RAVER2: variants seen among roughly 807,000 people sequenced by gnomAD.
The protein encoded by RAVER2 is ribonucleoprotein PTB-binding 2.
In RAVER2, 46 loss-of-function variants were observed where a neutral mutation model predicts 78.1. The ratio of observed to expected loss-of-function variants is 0.59; its 90% CI spans 0.46 to 0.75. The LOEUF (loss-of-function observed/expected upper bound fraction) is 0.75. Among genes scored for constraint, RAVER2 ranks in the 30% least tolerant of loss-of-function variants. The pLI is 0.00. For missense variants in RAVER2, 793 were observed against 837.5 expected (o/e 0.95, Z 0.66); for synonymous variants, 311 against 313.3 (o/e 0.99, Z 0.08).
intron 5 of RAVER2, among the ~76,000 whole-genome samples, chr1:64,790,948 A>G (rs1652922583): frequency 6.6e-6 from 1 of 152,116 alleles, no homozygotes. Context: ...ACCTAGACAC[A>G]AGTTCGGGGG....
At chr1:64,771,563 A>G (rs1305938968) in intron 2 of RAVER2, among the ~76,000 whole-genome samples, 2 of 152,076 alleles carry the variant, frequency 1.3e-5, no homozygotes, top group African/African-American at 4.8e-5. Context: ...ATTGACTGTT[A>G]AAAGCAAAAA....
intron 1 of RAVER2, among the ~76,000 whole-genome samples, chr1:64,755,724 G>GT (rs753375050): frequency 0.21 from 12,843 of 60,488 alleles, 4,073 homozygotes; most frequent in African/African-American, 0.31. Context: ...ATGCTTCATA[G>GT]TTTTTTTTTT....
chr1:64,810,727 T>G (rs1339665004), intron 9 of RAVER2, among the ~76,000 whole-genome samples: 1 of 152,230 alleles, frequency 6.6e-6, no homozygotes, highest in Admixed American at 6.5e-5. Flanking sequence ...ATATTTTCTT[T>G]GGAGAAATGT....
intron 5 of RAVER2, among the ~76,000 whole-genome samples, chr1:64,793,546 A>G (rs1653002388): frequency 6.6e-6 from 1 of 152,228 alleles, no homozygotes. Context: ...TTTAGGATAA[A>G]CTATTTTTAA....
chr1:64,780,138 T>A (rs1022343030), intron 3 of RAVER2, among the ~76,000 whole-genome samples: 1 of 152,184 alleles, frequency 6.6e-6, no homozygotes, highest in Non-Finnish European at 1.5e-5. Context: ...TGGCTCTTTA[T>A]CAGTGGGTCT....
At chr1:64,808,983 G>A (rs1010527669) in intron 9 of RAVER2, among the ~76,000 whole-genome samples, 16 of 152,160 alleles carry the variant, frequency 1.1e-4, no homozygotes, top group Non-Finnish European at 1.6e-4. Flanking sequence ...CAAAATGGGG[G>A]CAGGTTCTGG....
chr1:64,807,110 T>C, intron 8 of RAVER2, 96 bp from the exon 9 acceptor site: 1 of 1,383,836 alleles, frequency 7.2e-7, no homozygotes, highest in Non-Finnish European at 9.6e-7. Flanking sequence ...AAAATTGGTT[T>C]CTCTGCATTT....
At chr1:64,753,005 A>C (rs910989555) in intron 1 of RAVER2, among the ~76,000 whole-genome samples, 5 of 152,196 alleles carry the variant, frequency 3.3e-5, no homozygotes, top group Non-Finnish European at 7.3e-5. Context: ...TCTGGACTTC[A>C]TATATATGCA....
chr1:64,820,030 G>A (rs1653847329), intron 11 of RAVER2, among the ~76,000 whole-genome samples: 1 of 152,066 alleles, frequency 6.6e-6, no homozygotes, highest in Admixed American at 6.6e-5. Flanking sequence ...AATGTATATA[G>A]ATATAGTATA....
intron 1 of RAVER2, among the ~76,000 whole-genome samples, chr1:64,767,663 A>C (rs1217268130): frequency 6.6e-6 from 1 of 152,006 alleles, no homozygotes; most frequent in East Asian, 1.9e-4. Context: ...GTTCCTTTGA[A>C]TATATTGTAA....
intron 1 of RAVER2, among the ~76,000 whole-genome samples, chr1:64,768,288 A>G (rs1168679667): frequency 6.6e-6 from 1 of 152,026 alleles, no homozygotes; most frequent in Non-Finnish European, 1.5e-5. Flanking sequence ...AAGCAACTTC[A>G]TGAAAGAACA....
chr1:64,825,096 A>AT (rs1653977939), intron 11 of RAVER2, among the ~76,000 whole-genome samples: 1 of 152,174 alleles, frequency 6.6e-6, no homozygotes, highest in Non-Finnish European at 1.5e-5. Context: ...TTATGTATAT[A>AT]TATCAGACAG....
intron 10 of RAVER2, among the ~76,000 whole-genome samples, chr1:64,813,842 C>T (rs887693761): frequency 2.0e-5 from 3 of 147,846 alleles, no homozygotes; most frequent in Non-Finnish European, 3.0e-5. Flanking sequence ...CACACACACA[C>T]ACACACACAC....
At chr1:64,802,448 G>A (rs979687082) in intron 5 of RAVER2, among the ~76,000 whole-genome samples, 4 of 152,046 alleles carry the variant, frequency 2.6e-5, no homozygotes, top group Admixed American at 6.5e-5. Context: ...ACTCTTAGAC[G>A]CGATTATGAG....
chr1:64,796,186 A>G (rs1285733102), intron 5 of RAVER2, among the ~76,000 whole-genome samples: 3 of 152,014 alleles, frequency 2.0e-5, no homozygotes, highest in Non-Finnish European at 4.4e-5. Flanking sequence ...AATTTGATTT[A>G]ATAAAATTTA....
intron 11 of RAVER2, among the ~76,000 whole-genome samples, chr1:64,827,792 G>C (rs1654035916): frequency 6.6e-6 from 1 of 152,184 alleles, no homozygotes; most frequent in South Asian, 2.1e-4. Flanking sequence ...AAGTTCAATA[G>C]CCTCCTGGTG....
chr1:64,802,909 A>G (rs1653308027), intron 5 of RAVER2, 67 bp from the exon 6 acceptor site: 1 of 1,055,304 alleles, frequency 9.5e-7, no homozygotes, highest in Admixed American at 2.1e-5. Context: ...ACCCTTTTCG[A>G]AGCTTGGTTT....
chr1:64,757,669 C>T (rs1651891623), intron 1 of RAVER2, among the ~76,000 whole-genome samples: 1 of 152,148 alleles, frequency 6.6e-6, no homozygotes, highest in African/African-American at 2.4e-5. Flanking sequence ...GGGGAAAATG[C>T]TACCTAGAAA....
chr1:64,807,212 G>A, exon 9 of RAVER2: 1 of 1,612,912 alleles, frequency 6.2e-7, no homozygotes, highest in Non-Finnish European at 8.5e-7. Flanking sequence ...ACAGCATCTA[G>A]CCTGATTCCA....
Sources: allele counts gnomAD v4.1 joint callset (sites outside exome capture counted in the v4.1 genomes callset), GRCh38; gene constraint gnomAD v4.1.1; transcripts MANE v1.5; gene names NCBI Gene and HGNC (gene_info 2026-07-23, HGNC 2026-07-21).